Variants in WLS observed in about 807,000 individuals in gnomAD.
WLS encodes protein wntless homolog.
WLS carries 23 observed loss-of-function variants against 62.8 expected under a neutral mutation model. The ratio of observed to expected loss-of-function variants is 0.37; its 90% CI spans 0.26 to 0.52. The LOEUF is 0.52. Among genes scored for constraint, WLS ranks in the 20% least tolerant of loss-of-function variants. The pLI is 0.92. For missense variants in WLS, 615 were observed against 697.3 expected (o/e 0.88, Z 1.33); for synonymous variants, 246 against 244.1 (o/e 1.01, Z -0.07).
intron 11 of WLS, among the ~76,000 whole-genome samples, chr1:68,132,000 G>A (rs182073204): frequency 3.3e-5 from 5 of 152,298 alleles, no homozygotes; most frequent in Non-Finnish European, 7.4e-5. Flanking sequence ...CTGTTGTTTA[G>A]GACACCCTGT....
intron 11 of WLS, among the ~76,000 whole-genome samples, chr1:68,111,411 C>CT (rs1646227248): frequency 6.6e-6 from 1 of 152,196 alleles, no homozygotes; most frequent in Non-Finnish European, 1.5e-5. Flanking sequence ...GCCTTGTGGT[C>CT]TTGGCCAAAT....
At chr1:68,206,653 G>A (rs1412955435) in intron 1 of WLS, among the ~76,000 whole-genome samples, 1 of 152,132 alleles carries the variant, frequency 6.6e-6, no homozygotes, top group Non-Finnish European at 1.5e-5. Context: ...AAGAATCTTG[G>A]CAGAATAAAT....
At chr1:68,102,583 T>C (rs1412639052) in intron 11 of WLS, 2 of 152,186 alleles carry the variant, frequency 1.3e-5, no homozygotes, top group Non-Finnish European at 2.9e-5. Flanking sequence ...TAAGGGCTCC[T>C]ACTCAACAAC....
chr1:68,154,364 G>T (rs780300922), intron 4 of WLS, among the ~76,000 whole-genome samples: 2 of 152,148 alleles, frequency 1.3e-5, no homozygotes, highest in Non-Finnish European at 2.9e-5. Flanking sequence ...ATCCTAGATG[G>T]TCAATATGTT....
In WLS at chr1:68,231,537, TCCCTCCCACCCCACC is replaced by T; in HGVS notation, c.106+642_106+656del. 4 of 307,650 alleles carry T rather than the reference TCCCTCCCACCCCACC, an allele frequency of 1.3e-5. 1 individual carries two copies. Among genetic ancestry groups the T allele is most frequent in the South Asian group, 1.1e-4 (4 of 37,616 alleles). The allele number at this position is 307,650 out of a possible 1,614,324, so 19.1% of individuals were successfully genotyped here. A position where few individuals can be genotyped will look rare whatever the true frequency, so the allele number is the denominator to read the frequency against. ...ACTTCCCGCGGCGCTGGTCAAGGACTCCCTCCCACCCCACCCCATCCCACCCAACCTCCCGGCCGA... is the reference window on the plus strand; with the variant it reads ...ACTTCCCGCGGCGCTGGTCAAGGACTCCATCCCACCCAACCTCCCGGCCGA... On this transcript the variant is annotated intron_variant, in intron 1 of 11. Transcript: ENST00000262348.
At chr1:68,126,419 T>TGCTA (rs1489240007) in intron 11 of WLS, 84 bp from the exon 12 acceptor site, 2 of 1,550,774 alleles carry the variant, frequency 1.3e-6, no homozygotes, top group South Asian at 1.2e-5. Flanking sequence ...ACTGCCCTGA[T>TGCTA]GCTAGCCCTC....
rs773394076 is a variant in WLS at position 68,148,123 on chromosome 1, CAAGGA to C, written c.1134+8_1134+12del. On this transcript the variant is annotated splice_region_variant and intron_variant, in intron 8 of 11. Coordinates refer to ENST00000262348, the MANE Select transcript of WLS (RefSeq NM_024911.7). ...GGAAGAAATAAAACCCTGAGCCCAT[CAAGGA>C]AGGATACGGCCAGCTCTGTTCCAAT... 1 of 1,614,068 alleles carries C rather than the reference CAAGGA, an allele frequency of 6.2e-7. No individual in the cohort carries two copies. The highest frequency in any genetic ancestry group is 1.1e-5 in the South Asian group (1 of 91,070).
Position 68,126,283 on chromosome 1 carries a change from G to T in WLS, c.1569C>A (p.Thr523=). The change falls in exon 12 of 12, where the codon ACC becomes ACA. Residue 523 remains threonine, a synonymous_variant. Transcript: ENST00000262348. Reference sequence around the variant, plus strand: ...AGATCTCAGTGGGTCCGTCCACATGGGTGATAGTGGTGGTGAGCTGGAGTT... The same window carrying T: ...AGATCTCAGTGGGTCCGTCCACATGTGTGATAGTGGTGGTGAGCTGGAGTT... ...GEELQLTTTI[T]HVDGPTEIYK... is the part of the protein sequence containing the mutation. 1 of 1,612,292 alleles carries T rather than the reference G, an allele frequency of 6.2e-7. No homozygotes were observed. The highest frequency in any genetic ancestry group is 8.5e-7 in the Non-Finnish European group (1 of 1,179,416).
chr1:68,129,412 A>G (rs936842924), intron 11 of WLS, among the ~76,000 whole-genome samples: 1 of 152,256 alleles, frequency 6.6e-6, no homozygotes, highest in Non-Finnish European at 1.5e-5. Flanking sequence ...TTTATAGCAT[A>G]TAAATCAGTG....
chr1:68,098,576 A>G, exon 12 of WLS: 1 of 1,603,968 alleles, frequency 6.2e-7, no homozygotes, highest in Non-Finnish European at 8.5e-7. Context: ...AGTACAATCA[A>G]TGTGACTGTG....
At chr1:68,219,563 G>T (rs1483639762) in intron 1 of WLS, among the ~76,000 whole-genome samples, 5 of 152,062 alleles carry the variant, frequency 3.3e-5, no homozygotes, top group Admixed American at 2.6e-4. Context: ...TAAAGTAGAA[G>T]CATTTTAGTT....
chr1:68,221,344 A>T (rs1649934399), intron 1 of WLS, among the ~76,000 whole-genome samples: 1 of 152,024 alleles, frequency 6.6e-6, no homozygotes, highest in African/African-American at 2.4e-5. Flanking sequence ...AAGAAGCAAA[A>T]CCTTTCTGAG....
chr1:68,148,261 C>T, intron 7 of WLS, 62 bp from the exon 8 acceptor site: 2 of 1,554,996 alleles, frequency 1.3e-6, no homozygotes, highest in East Asian at 2.2e-5. Context: ...GGGAACTTTC[C>T]TTTTCACATA....
At chr1:68,099,375 C>CTTG (rs1646049085) in intron 11 of WLS, among the ~76,000 whole-genome samples, 1 of 152,098 alleles carries the variant, frequency 6.6e-6, no homozygotes, top group South Asian at 2.1e-4. Context: ...ACTCCCAGGG[C>CTTG]TTGTATACTC....
At chr1:68,176,014 C>A (rs1361771725) in intron 2 of WLS, among the ~76,000 whole-genome samples, 3 of 152,146 alleles carry the variant, frequency 2.0e-5, no homozygotes, top group Admixed American at 2.0e-4. Flanking sequence ...CTAGAACAAG[C>A]TTTTTTATTT....
chr1:68,164,404 G>A (rs1344093554), intron 2 of WLS, among the ~76,000 whole-genome samples: 3 of 151,996 alleles, frequency 2.0e-5, no homozygotes, highest in African/African-American at 4.8e-5. Context: ...GATTACAGGC[G>A]TGCACCACCA....
At chr1:68,195,485 T>A (rs1648612409) in intron 1 of WLS, among the ~76,000 whole-genome samples, 1 of 152,210 alleles carries the variant, frequency 6.6e-6, no homozygotes, top group South Asian at 2.1e-4. Context: ...TATATCATAT[T>A]TTCTTTATAA....
intron 2 of WLS, among the ~76,000 whole-genome samples, chr1:68,166,425 C>A (rs1647060649): frequency 1.3e-5 from 2 of 152,198 alleles, no homozygotes; most frequent in African/African-American, 2.4e-5. Context: ...GGCCTCACAT[C>A]CATCCTGGGA....
At chr1:68,197,545 G>C (rs1379545854) in intron 1 of WLS, among the ~76,000 whole-genome samples, 5 of 152,148 alleles carry the variant, frequency 3.3e-5, no homozygotes, top group Non-Finnish European at 7.4e-5. Flanking sequence ...AGTATTGCTT[G>C]AGAAAGTAAA....
Sources: allele counts gnomAD v4.1 joint callset (sites outside exome capture counted in the v4.1 genomes callset), GRCh38; gene constraint gnomAD v4.1.1; transcripts MANE v1.5; gene names NCBI Gene and HGNC (gene_info 2026-07-23, HGNC 2026-07-21).